Variants in PPP3R1 observed in about 807,000 individuals in gnomAD.
The protein encoded by PPP3R1 is protein phosphatase 3 regulatory subunit B, alpha, also known as calcineurin subunit B type 1.
A neutral mutation model predicts 22.6 loss-of-function variants in PPP3R1; 5 were observed. That is an observed-to-expected ratio of 0.22 (90% confidence interval 0.12 to 0.46). The LOEUF (loss-of-function observed/expected upper bound fraction) is 0.46. Ranked by LOEUF, PPP3R1 falls within the 20% of genes least tolerant of loss-of-function variation. The pLI is 0.99. For missense variants in PPP3R1, 61 were observed against 203.2 expected, an observed-to-expected ratio of 0.30 and a Z score of 4.25; for synonymous variants, 56 against 65.2, an observed-to-expected ratio of 0.86 and a Z score of 0.68.
intron 1 of PPP3R1, among the ~76,000 whole-genome samples, chr2:68,234,356 A>C (rs554431013): frequency 2.2e-4 from 34 of 152,112 alleles, no homozygotes; most frequent in African/African-American, 8.0e-4. Context: ...AAAAAAAAAG[A>C]AGCTTAAGCA....
At chr2:68,203,965 C>T (rs1254667576) in intron 2 of PPP3R1, among the ~76,000 whole-genome samples, 2 of 152,124 alleles carry the variant, frequency 1.3e-5, no homozygotes, top group South Asian at 2.1e-4. Flanking sequence ...AAGATTTAAT[C>T]TTTCACCTAC....
chr2:68,242,332 AG>A (rs1558644708), intron 1 of PPP3R1, among the ~76,000 whole-genome samples: 1 of 152,090 alleles, frequency 6.6e-6, no homozygotes, highest in Admixed American at 6.6e-5. Context: ...AAGCTGAGGC[AG>A]GGGAATTGCT....
At chr2:68,229,965 TACACACATACACACACAC>T (rs1233532722) in intron 1 of PPP3R1, among the ~76,000 whole-genome samples, 6 of 49,532 alleles carry the variant, frequency 1.2e-4, no homozygotes, top group African/African-American at 3.3e-4. Flanking sequence ...TGTGTATATA[TACACACATACACACACAC>T]ACACACACAC....
intron 1 of PPP3R1, among the ~76,000 whole-genome samples, chr2:68,232,491 TA>T (rs1459262665): frequency 6.6e-6 from 1 of 151,424 alleles, no homozygotes; most frequent in African/African-American, 2.4e-5. Context: ...TATCAACATG[TA>T]AAGAACTGAA....
chr2:68,238,032 A>G (rs572310597), intron 1 of PPP3R1, among the ~76,000 whole-genome samples: 15 of 152,280 alleles, frequency 9.9e-5, no homozygotes, highest in South Asian at 4.1e-4. Context: ...CTCTTTTACA[A>G]TCAATAGCAG....
At chr2:68,200,513 T>C (rs1440899024) in intron 2 of PPP3R1, among the ~76,000 whole-genome samples, 2 of 152,226 alleles carry the variant, frequency 1.3e-5, no homozygotes, top group African/African-American at 4.8e-5. Context: ...AAAAGCCATG[T>C]AACGTAAGCA....
At chr2:68,181,458 C>G (rs1466636691) in intron 5 of PPP3R1, among the ~76,000 whole-genome samples, 2 of 151,514 alleles carry the variant, frequency 1.3e-5, no homozygotes, top group Non-Finnish European at 2.9e-5. Context: ...CACAAAAAAC[C>G]AAAACAACAA....
At chr2:68,210,790 A>AAAAATCC (rs1280038460) in intron 2 of PPP3R1, among the ~76,000 whole-genome samples, 1 of 152,236 alleles carries the variant, frequency 6.6e-6, no homozygotes, top group Admixed American at 6.5e-5. Flanking sequence ...TCCCAAATCC[A>AAAAATCC]AAAATCCAAA....
At chr2:68,219,067 C>A (rs1669635432) in intron 1 of PPP3R1, among the ~76,000 whole-genome samples, 1 of 152,174 alleles carries the variant, frequency 6.6e-6, no homozygotes, top group Non-Finnish European at 1.5e-5. Flanking sequence ...GACCACATCA[C>A]ATCTCTGCTA....
Position 68,252,280 on chromosome 2 carries a change from G to T in PPP3R1, c.-153C>A. 2 of 1,040,704 alleles carry T rather than the reference G, an allele frequency of 1.9e-6. No individual in the cohort carries two copies. Among genetic ancestry groups the T allele is most frequent in the Non-Finnish European group, 2.3e-6 (2 of 866,946 alleles). 64.5% of individuals were successfully genotyped at this position (1,040,704 alleles called of 1,614,324 possible). On this transcript the variant is annotated 5_prime_UTR_variant, in exon 1 of 6. Transcript: ENST00000234310. ...CGTGGGGGAGGGGAGGCGGCGCCGCGGGGCCCGCGCCGGCCGGGCGATTGG... is the reference window on the plus strand; with the variant it reads ...CGTGGGGGAGGGGAGGCGGCGCCGCTGGGCCCGCGCCGGCCGGGCGATTGG...
intron 5 of PPP3R1, 22 bp downstream of exon 5, chr2:68,186,446 G>A (rs1321103962): frequency 2.5e-6 from 4 of 1,569,120 alleles, no homozygotes; most frequent in Admixed American, 1.9e-5. Context: ...ACTAACGGAA[G>A]AACCAGCTCT....
At position 68,179,856 on chromosome 2, in the gene PPP3R1, T is replaced by C. The variant is rs1674364670; in HGVS notation, c.*1107A>G. The C allele has an allele frequency of 6.6e-6, 1 of 152,234 alleles. No individual in the cohort carries two copies. Among genetic ancestry groups the C allele is most frequent in the Non-Finnish European group, 1.5e-5 (1 of 68,036 alleles). The allele number at this position is 152,234 out of a possible 1,614,324, so 9.4% of individuals were successfully genotyped here. ...TATAGATTAGCAAGATTTCTCACAC[T>C]TAAACCACAAATATATGTGGGTGTT... On this transcript the variant is annotated 3_prime_UTR_variant, in exon 6 of 6. Transcript: ENST00000234310.
At chr2:68,217,188 A>T in intron 1 of PPP3R1, 57 bp from the exon 2 acceptor site, 1 of 1,259,852 alleles carries the variant, frequency 7.9e-7, no homozygotes, top group Non-Finnish European at 1.1e-6. Context: ...TGTTTAAAAT[A>T]TTAAACCTAA....
chr2:68,184,608 A>G (rs1023073003), intron 5 of PPP3R1, among the ~76,000 whole-genome samples: 1 of 152,238 alleles, frequency 6.6e-6, no homozygotes. Flanking sequence ...TATAGTATGC[A>G]ATCTTTTAAA....
intron 2 of PPP3R1, among the ~76,000 whole-genome samples, chr2:68,214,089 T>C (rs1669533910): frequency 6.6e-6 from 1 of 152,178 alleles, no homozygotes; most frequent in East Asian, 1.9e-4. Context: ...ACTAACTATA[T>C]GCAGAAGACT....
At chr2:68,228,520 G>C (rs9653503) in intron 1 of PPP3R1, among the ~76,000 whole-genome samples, 4,125 of 152,216 alleles carry the variant, frequency 0.027, 171 homozygotes, top group African/African-American at 0.094. Context: ...AGGGTCTACA[G>C]TGATGTCCCC....
intron 2 of PPP3R1, among the ~76,000 whole-genome samples, chr2:68,197,945 G>C (rs570352364): frequency 6.7e-6 from 1 of 149,478 alleles, no homozygotes; most frequent in African/African-American, 2.5e-5. Context: ...TTAAATCTAT[G>C]ACCTACGTTA....
intron 3 of PPP3R1, 29 bp from the exon 4 acceptor site, chr2:68,187,343 T>C: frequency 6.4e-7 from 1 of 1,572,496 alleles, no homozygotes; most frequent in Non-Finnish European, 8.7e-7. Flanking sequence ...TGTTCACAAA[T>C]CAGAACTTCC....
intron 1 of PPP3R1, among the ~76,000 whole-genome samples, chr2:68,244,013 T>C (rs889366177): frequency 6.6e-6 from 1 of 152,218 alleles, no homozygotes; most frequent in East Asian, 1.9e-4. Context: ...CTTTCCATTT[T>C]AGATCTTTCA....
Sources: gnomAD v4.1 joint callset for allele counts (sites outside exome capture counted in the v4.1 genomes callset) on GRCh38, gnomAD v4.1.1 for gene constraint, MANE v1.5 for transcripts, NCBI Gene and HGNC (gene_info 2026-07-23, HGNC 2026-07-21) for gene names.